PTPRG: variants seen among roughly 807,000 people sequenced by gnomAD.
The protein encoded by PTPRG is receptor-type tyrosine-protein phosphatase gamma.
A neutral mutation model predicts 165.3 loss-of-function variants in PTPRG; 102 were observed. The observed-to-expected ratio is 0.62, with a 90% confidence interval of 0.53 to 0.73. The LOEUF is 0.73. Among genes scored for constraint, PTPRG ranks in the 30% least tolerant of loss-of-function variants. The probability of loss-of-function intolerance (pLI) is 0.00; values close to 1 mark genes in which losing one functional copy is unlikely to be tolerated. For synonymous variants in PTPRG, 675 were observed against 669.5 expected (o/e 1.01, Z -0.13); for missense variants, 1,866 against 1,861.4 (o/e 1.00, Z -0.05).
At chr3:61,738,855 A>C (rs111597935) in intron 1 of PTPRG, among the ~76,000 whole-genome samples, 2 of 151,908 alleles carry the variant, frequency 1.3e-5, no homozygotes, top group African/African-American at 4.8e-5. Flanking sequence ...GCTCATGGCA[A>C]CCTCAGACTC....
intron 4 of PTPRG, among the ~76,000 whole-genome samples, chr3:62,027,741 CAA>C (rs1361896949): frequency 6.6e-6 from 1 of 152,050 alleles, no homozygotes; most frequent in Non-Finnish European, 1.5e-5. Flanking sequence ...TTAAATCCAT[CAA>C]AAAACGTGCC....
intron 1 of PTPRG, among the ~76,000 whole-genome samples, chr3:61,599,832 T>C (rs1183696912): frequency 6.6e-6 from 1 of 152,042 alleles, no homozygotes; most frequent in Non-Finnish European, 1.5e-5. Context: ...AATGCATTCA[T>C]GTTTCTGAAA....
intron 2 of PTPRG, among the ~76,000 whole-genome samples, chr3:61,860,162 G>C (rs1295462806): frequency 6.6e-6 from 1 of 152,168 alleles, no homozygotes; most frequent in East Asian, 1.9e-4. Context: ...ATTTCAGAGT[G>C]AAAAGTAATT....
chr3:61,877,653 A>G (rs1043754976), intron 2 of PTPRG, among the ~76,000 whole-genome samples: 2 of 152,238 alleles, frequency 1.3e-5, no homozygotes, highest in Non-Finnish European at 2.9e-5. Context: ...TGCTCATGGG[A>G]TGTTAACGTG....
In PTPRG at chr3:62,214,840, A is replaced by C. The variant is rs1210971475; in HGVS notation, c.2156-4011A>C. ...AGTTATTGGTTAAAAGTCACACAGA[A>C]AATGGCCAAGCCAGGATTTGAACCT... is the stretch of plus-strand genomic sequence containing the variant. On this transcript the variant is annotated intron_variant, in intron 12 of 29. Transcript: ENST00000474889. This position sits in a 1 kb window ranked among gnomAD's most constrained non-coding sequence, Gnocchi z 5.2. Among the ~76,000 whole-genome samples, 1 of 152,210 alleles carries C rather than the reference A, an allele frequency of 6.6e-6. No individual in the cohort carries two copies. The highest frequency in any genetic ancestry group is 2.4e-5 in the African/African-American group (1 of 41,454).
chr3:62,272,884 G>C lies in PTPRG; in HGVS notation c.3183-62G>C, dbSNP rs555582480. The C allele has an allele frequency of 1.3e-5, 18 of 1,431,698 alleles. No individual in the cohort carries two copies. The African/African-American group carries it at 2.6e-4, about 21-fold the overall frequency. 88.7% of individuals were successfully genotyped at this position (1,431,698 alleles called of 1,614,324 possible). ...AATGGGGTTTAGATTGGAATTTTTC[G>C]AATCCAAAGTTAACAGTATGATAAA... On this transcript the variant is annotated intron_variant, in intron 21 of 29. Transcript: ENST00000474889.
rs1235854883 is a variant in PTPRG at position 62,228,545 on chromosome 3, A to T, written c.2289-2680A>T. On this transcript the variant is annotated intron_variant, in intron 13 of 29. Coordinates refer to ENST00000474889, the MANE Select transcript of PTPRG (RefSeq NM_002841.4). The surrounding 1 kb of genome is among the most constrained non-coding windows in gnomAD (Gnocchi z 4.1). Reference sequence around the variant, plus strand: ...AAAAAAGAAAGAAAGAAAAAAGAAAAAGAAAAAGGACAAGTGCTCCAGGCA... The same window carrying T: ...AAAAAAGAAAGAAAGAAAAAAGAAATAGAAAAAGGACAAGTGCTCCAGGCA... Among the ~76,000 whole-genome samples, 2 of 151,986 alleles carry T rather than the reference A, an allele frequency of 1.3e-5. No individual in the cohort carries two copies. The highest frequency in any genetic ancestry group is 2.9e-5 in the Non-Finnish European group (2 of 67,984).
intron 2 of PTPRG, among the ~76,000 whole-genome samples, chr3:61,980,941 T>C (rs1273657289): frequency 6.6e-6 from 1 of 152,208 alleles, no homozygotes; most frequent in Non-Finnish European, 1.5e-5. Context: ...GGCCTTGCCT[T>C]GTGAATAGTA....
chr3:62,155,950 T>A lies in PTPRG; in HGVS notation c.683-1117T>A, dbSNP rs898111067. Among the ~76,000 whole-genome samples the A allele has an allele frequency of 3.3e-4, 50 of 152,058 alleles. 3 individuals are homozygous for A. Among genetic ancestry groups the A allele is most frequent in the Non-Finnish European group, 1.5e-4 (10 of 68,000 alleles). ...GACCCCATGAGCAGGACTCCAGTAG[T>A]CTTATTGCATCTCCAACAGGGAAGG... On this transcript the variant is annotated intron_variant, in intron 6 of 29. Transcript: ENST00000474889.
chr3:62,188,037 A>G (rs1265853580), intron 8 of PTPRG, among the ~76,000 whole-genome samples: 2 of 152,126 alleles, frequency 1.3e-5, no homozygotes, highest in Admixed American at 6.5e-5. Context: ...CTACTTATTG[A>G]CGAGGAAATA....
intron 1 of PTPRG, among the ~76,000 whole-genome samples, chr3:61,648,113 A>G (rs909223752): frequency 6.6e-6 from 1 of 152,050 alleles, no homozygotes; most frequent in East Asian, 1.9e-4. Flanking sequence ...ATGCATTGTC[A>G]CCTGAGAATA....
intron 4 of PTPRG, among the ~76,000 whole-genome samples, chr3:62,017,634 C>T (rs1306450476): frequency 6.6e-6 from 1 of 150,908 alleles, no homozygotes; most frequent in African/African-American, 2.4e-5. Context: ...CCGTGTTAGC[C>T]AGGATGGTCT....
chr3:61,847,226 G>A (rs1575717802), intron 2 of PTPRG, among the ~76,000 whole-genome samples: 2 of 152,242 alleles, frequency 1.3e-5, no homozygotes, highest in South Asian at 4.1e-4. Flanking sequence ...TGGGAAATTT[G>A]GATGGAGATA....
At chr3:61,669,496 A>T (rs1050791623) in intron 1 of PTPRG, among the ~76,000 whole-genome samples, 2 of 152,168 alleles carry the variant, frequency 1.3e-5, no homozygotes, top group African/African-American at 4.8e-5. Flanking sequence ...ACTCCTTCTT[A>T]CTTCTCTTCC....
At chr3:62,121,430 G>A (rs954682944) in intron 5 of PTPRG, among the ~76,000 whole-genome samples, 5 of 152,164 alleles carry the variant, frequency 3.3e-5, no homozygotes, top group African/African-American at 1.2e-4. Flanking sequence ...CAACTAGATT[G>A]TAATTCACTT....
intron 1 of PTPRG, among the ~76,000 whole-genome samples, chr3:61,671,904 C>A (rs1232153122): frequency 2.7e-5 from 4 of 145,972 alleles, no homozygotes; most frequent in African/African-American, 5.1e-5. Flanking sequence ...GGGGCTGATC[C>A]CCCCACCTCC....
chr3:62,257,214 T>C (rs1010097465), intron 16 of PTPRG, among the ~76,000 whole-genome samples: 2 of 152,246 alleles, frequency 1.3e-5, no homozygotes, highest in Admixed American at 6.5e-5. Flanking sequence ...AGGTGAAAAT[T>C]TGAAGTACTT....
chr3:62,000,823 G>A (rs6774688), intron 3 of PTPRG, among the ~76,000 whole-genome samples: 14,864 of 152,098 alleles, frequency 0.098, 1,246 homozygotes, highest in African/African-American at 0.22. Context: ...AATGAGTTTG[G>A]AAATAACCAC....
intron 2 of PTPRG, among the ~76,000 whole-genome samples, chr3:61,862,672 G>C (rs1026755708): frequency 2.6e-5 from 4 of 152,152 alleles, no homozygotes; most frequent in Non-Finnish European, 4.4e-5. Flanking sequence ...TGGGATTACA[G>C]GTGTAAGCCA....
Sources: gnomAD v4.1 joint callset for allele counts (sites outside exome capture counted in the v4.1 genomes callset) on GRCh38, gnomAD v4.1.1 for gene constraint, Gnocchi (gnomAD v3.1) non-coding constraint, MANE v1.5 for transcripts, NCBI Gene and HGNC (gene_info 2026-07-23, HGNC 2026-07-21) for gene names.